The following PCDHGA3 variants were observed in gnomAD, a reference collection of about 807,000 sequenced individuals.
PCDHGA3 encodes the protein protocadherin gamma-A3.
Under a neutral mutation model 58.5 loss-of-function variants are expected in PCDHGA3, and 40 were observed. The ratio of observed to expected loss-of-function variants is 0.68; its 90% confidence interval spans 0.53 to 0.89. The LOEUF (loss-of-function observed/expected upper bound fraction) is 0.89. Ranked by LOEUF, PCDHGA3 falls within the 40% of genes least tolerant of loss-of-function variation. PCDHGA3 has a pLI of 0.00. For missense variants in PCDHGA3, 1,223 were observed against 1,195.9 expected, an observed-to-expected ratio of 1.02 and a Z score of -0.33; for synonymous variants, 530 against 525.7, an observed-to-expected ratio of 1.01 and a Z score of -0.11.
At chr5:141,503,804 G>A (rs2099831736) in intron 2 of PCDHGA3, among the ~76,000 whole-genome samples, 1 of 152,034 alleles carries the variant, frequency 6.6e-6, no homozygotes, top group South Asian at 2.1e-4. Flanking sequence ...TAGGGACGGG[G>A]AATCCCAGAT....
intron 1 of PCDHGA3, among the ~76,000 whole-genome samples, chr5:141,459,307 A>G (rs1175102009): frequency 6.6e-6 from 1 of 152,198 alleles, no homozygotes; most frequent in Non-Finnish European, 1.5e-5. Context: ...AACATATACT[A>G]TTTTGTATCC....
At chr5:141,407,328 A>G (rs1016529734) in intron 1 of PCDHGA3, among the ~76,000 whole-genome samples, 1 of 152,210 alleles carries the variant, frequency 6.6e-6, no homozygotes, top group Admixed American at 6.5e-5. Flanking sequence ...ATTTATAAAT[A>G]TTGAAATGTA....
At chr5:141,385,495 T>C (rs1781231622) in intron 1 of PCDHGA3, 3 of 1,391,864 alleles carry the variant, frequency 2.2e-6, no homozygotes, top group African/African-American at 2.9e-5. Flanking sequence ...ACATAGGATA[T>C]AGTATTTCTT....
chr5:141,459,044 A>T (rs2098959649), intron 1 of PCDHGA3, among the ~76,000 whole-genome samples: 1 of 152,204 alleles, frequency 6.6e-6, no homozygotes, highest in Non-Finnish European at 1.5e-5. Flanking sequence ...TACCAGCTAT[A>T]TTGAAGTATA....
chr5:141,364,432 G>C (rs763376851), intron 1 of PCDHGA3: 3 of 1,613,796 alleles, frequency 1.9e-6, no homozygotes, highest in Non-Finnish European at 8.5e-7. Context: ...TCCGCTACTC[G>C]ATGCCGGAGG....
rs1388608588 is a variant in PCDHGA3 at position 141,481,102 on chromosome 5, A to T, written c.2425-13705A>T. The stretch of plus-strand genomic sequence containing the variant: ...GAAAAAAGAAAAGCAGTACTCTGGA[A>T]CCTACCAATCCATCATTTAGCATAT... On this transcript the variant is annotated intron_variant, in intron 1 of 3. Transcript: ENST00000253812. 3.3e-5 allele frequency among the ~76,000 whole-genome samples: 5 copies of T among 152,288 alleles called. No individual in the cohort carries two copies. The East Asian group carries it at 7.7e-4, about 24-fold the overall frequency.
chr5:141,355,207 G>A lies in PCDHGA3; in HGVS notation c.2424+8750G>A, dbSNP rs764438862. ...ACTCCGCGGCGGGGTTGTAATGGCG[G>A]CGCCTCCTGCTCGCCCAGACCACAC... On this transcript the variant is annotated intron_variant, in intron 1 of 3. Transcript: ENST00000253812. The A allele has an allele frequency of 3.4e-5, 55 of 1,598,704 alleles. No individual in the cohort carries two copies. The highest frequency in any genetic ancestry group is 1.7e-5 in the Non-Finnish European group (20 of 1,171,260).
At chr5:141,370,974 C>G in intron 1 of PCDHGA3, 3 of 1,613,996 alleles carry the variant, frequency 1.9e-6, no homozygotes, top group Non-Finnish European at 2.5e-6. Context: ...GTACCCAGAG[C>G]TAGTACTGAA....
At chr5:141,444,637 G>C (rs2098443357) in intron 1 of PCDHGA3, among the ~76,000 whole-genome samples, 1 of 152,236 alleles carries the variant, frequency 6.6e-6, no homozygotes, top group Non-Finnish European at 1.5e-5. Context: ...CCAGTTCATT[G>C]AGGTAGGGGT....
chr5:141,420,065 G>T, intron 1 of PCDHGA3: 1 of 1,614,018 alleles, frequency 6.2e-7, no homozygotes, highest in East Asian at 2.2e-5. Flanking sequence ...CTCCAAGTCC[G>T]GACCTGTGGG....
At chr5:141,479,189 G>A (rs1466742057) in intron 1 of PCDHGA3, 3 of 152,358 alleles carry the variant, frequency 2.0e-5, no homozygotes, top group African/African-American at 7.2e-5. Flanking sequence ...AGAAAATTCA[G>A]AAAATACAGA....
chr5:141,400,037 G>A, intron 1 of PCDHGA3: 4 of 1,613,246 alleles, frequency 2.5e-6, no homozygotes, highest in African/African-American at 1.3e-5. Context: ...GCCCGCCAGC[G>A]CCTGCTGGTT....
At chr5:141,474,920 C>A (rs1363277892) in intron 1 of PCDHGA3, among the ~76,000 whole-genome samples, 2 of 152,232 alleles carry the variant, frequency 1.3e-5, no homozygotes, top group Admixed American at 6.5e-5. Context: ...TACATCTCAT[C>A]TCTGGCTTAT....
At chr5:141,395,078 G>C in intron 1 of PCDHGA3, 1 of 1,614,126 alleles carries the variant, frequency 6.2e-7, no homozygotes, top group Non-Finnish European at 8.5e-7. Flanking sequence ...CCTATTCCCA[G>C]GAAGTCTCCC....
chr5:141,430,560 G>T (rs1184226832), intron 1 of PCDHGA3: 1 of 420,160 alleles, frequency 2.4e-6, no homozygotes, highest in Non-Finnish European at 4.1e-6. Context: ...ACCAATCGGG[G>T]AGAGAAAAGC....
intron 1 of PCDHGA3, chr5:141,415,170 C>T (rs781724309): frequency 3.7e-6 from 6 of 1,613,878 alleles, no homozygotes; most frequent in South Asian, 2.2e-5. Flanking sequence ...TCACGCTCAC[C>T]GTGGCCGTGG....
intron 1 of PCDHGA3, chr5:141,350,656 A>G: frequency 6.2e-7 from 1 of 1,614,044 alleles, no homozygotes; most frequent in East Asian, 2.2e-5. Context: ...GTTTCGTTGC[A>G]AAAGGCATTG....
At chr5:141,399,382 A>G in intron 1 of PCDHGA3, 1 of 1,614,000 alleles carries the variant, frequency 6.2e-7, no homozygotes, top group Non-Finnish European at 8.5e-7. Context: ...TGTCACCATC[A>G]CAGCCACAGA....
At chr5:141,365,903 T>C (rs776227569) in intron 1 of PCDHGA3, 1 of 1,614,140 alleles carries the variant, frequency 6.2e-7, no homozygotes, top group Non-Finnish European at 8.5e-7. Context: ...CTATGAGCAG[T>C]TGAGAGACCT....
Sources: gnomAD v4.1 joint callset for allele counts (sites outside exome capture counted in the v4.1 genomes callset) on GRCh38, gnomAD v4.1.1 for gene constraint, MANE v1.5 for transcripts, NCBI Gene and HGNC (gene_info 2026-07-23, HGNC 2026-07-21) for gene names.